Variants in PCDH19 observed in about 807,000 individuals in gnomAD.
PCDH19 encodes the protein protocadherin 19.
A neutral mutation model predicts 46.2 loss-of-function variants in PCDH19; 6 were observed. That is an observed-to-expected ratio of 0.13 (90% CI 0.07 to 0.26). The LOEUF is 0.26. PCDH19 is among the 10% of genes least tolerant of loss of function. PCDH19 has a pLI of 1.00. For missense variants in PCDH19, 740 were observed against 972.3 expected, an observed-to-expected ratio of 0.76 and a Z score of 3.18; for synonymous variants, 481 against 415.7, an observed-to-expected ratio of 1.16 and a Z score of -1.91.
At chrX:100,381,350 T>C (rs1039114139) in intron 3 of PCDH19, among the ~76,000 whole-genome samples, 2 of 112,271 alleles carry the variant, frequency 1.8e-5, no homozygotes, top group African/African-American at 6.5e-5. Flanking sequence ...AGTATATGTC[T>C]GTGATAATGA....
intron 5 of PCDH19, among the ~76,000 whole-genome samples, chrX:100,324,336 T>C (rs1925613175): frequency 8.9e-6 from 1 of 111,778 alleles, no homozygotes; most frequent in African/African-American, 3.3e-5. Context: ...GGCATTGCCA[T>C]TGAACAGTAT....
intron 5 of PCDH19, among the ~76,000 whole-genome samples, chrX:100,321,109 G>A (rs977897027): frequency 8.9e-6 from 1 of 111,884 alleles, no homozygotes; most frequent in African/African-American, 3.3e-5. Flanking sequence ...TGCAAATGCC[G>A]TTAATTTATT....
At chrX:100,374,185 T>A (rs1927306846) in intron 3 of PCDH19, among the ~76,000 whole-genome samples, 1 of 112,771 alleles carries the variant, frequency 8.9e-6, no homozygotes, top group South Asian at 3.6e-4. Context: ...ATTACCCTAA[T>A]TAACCCAATT....
At chrX:100,361,065 A>G (rs889679626) in intron 3 of PCDH19, among the ~76,000 whole-genome samples, 5 of 111,652 alleles carry the variant, frequency 4.5e-5, no homozygotes, top group African/African-American at 1.6e-4. Flanking sequence ...AGTGCTGGCA[A>G]CCATGCATAG....
chrX:100,364,406 G>A (rs1602609726), intron 3 of PCDH19, among the ~76,000 whole-genome samples: 1 of 111,195 alleles, frequency 9.0e-6, no homozygotes, highest in Non-Finnish European at 1.9e-5. Flanking sequence ...TTCAATCATA[G>A]TAGCCACATT....
At chrX:100,402,427 G>C in intron 3 of PCDH19, 97 bp downstream of exon 3, 1 of 744,108 alleles carries the variant, frequency 1.3e-6, no homozygotes, top group Admixed American at 2.5e-5. Context: ...CCCCACCCCT[G>C]CCAGGGGATG....
At chrX:100,333,789 ATT>A (rs370118055) in intron 5 of PCDH19, among the ~76,000 whole-genome samples, 22,132 of 81,869 alleles carry the variant, frequency 0.27, 2,749 homozygotes, top group Middle Eastern at 0.5. Context: ...TTTCCTCTTC[ATT>A]TTTTTTTTTT....
At chrX:100,376,255 GAAAAGAAAAGAA>G (rs369642228) in intron 3 of PCDH19, among the ~76,000 whole-genome samples, 28,401 of 91,408 alleles carry the variant, frequency 0.31, 3,755 homozygotes, top group African/African-American at 0.38. Context: ...AAAAAAAAAA[GAAAAGAAAAGAA>G]AAAAGAAAAG....
chrX:100,303,336 A>G (rs769709103), intron 5 of PCDH19, among the ~76,000 whole-genome samples: 1 of 110,908 alleles, frequency 9.0e-6, no homozygotes, highest in South Asian at 3.9e-4. Flanking sequence ...GAAGGAAGGA[A>G]GGAAGGAAAA....
intron 3 of PCDH19, among the ~76,000 whole-genome samples, chrX:100,365,839 T>C (rs1927055398): frequency 8.9e-6 from 1 of 112,132 alleles, no homozygotes; most frequent in Non-Finnish European, 1.9e-5. Flanking sequence ...AACTGAGCTC[T>C]TCTGACATTC....
rs777075043 is a variant in PCDH19, at chrX:100,407,814, C to A, written c.784G>T (p.Ala262Ser). 2 of 1,211,141 alleles carry A rather than the reference C, an allele frequency of 1.7e-6. No individual in the cohort carries two copies. Among genetic ancestry groups the A allele is most frequent in the African/African-American group, 3.5e-5 (2 of 57,496 alleles). Residue 262 changes from alanine to serine, a missense_variant, in exon 1 of 6, where the codon GCC becomes TCC. This residue lies in a region of PCDH19 where 186 missense variants were observed against 319.9 expected (regional missense o/e 0.58). Coordinates refer to ENST00000373034, the MANE Select transcript of PCDH19 (RefSeq NM_001184880.2). The part of the protein sequence containing the change: ...PPNTPVIRLN[A>S]SDPDEGTNGQ... ...TTGGTGCCCTCGTCTGGATCGCTGG[C>A]GTTGAGGCGGATGACGGGTGTGTTG... is the stretch of plus-strand genomic sequence containing the variant.
chrX:100,333,149 GGAAGGAAGGAAGGAAGGAAGGA>G (rs1569294531), intron 5 of PCDH19, among the ~76,000 whole-genome samples: 9 of 50,871 alleles, frequency 1.8e-4, no homozygotes, highest in Admixed American at 8.4e-4. Flanking sequence ...AAGGAAGGAA[GGAAGGAAGGAAGGAAGGAAGGA>G]AGGGAGAGAG....
intron 3 of PCDH19, among the ~76,000 whole-genome samples, chrX:100,391,373 G>A (rs185433306): frequency 2.7e-5 from 3 of 111,701 alleles, no homozygotes; most frequent in African/African-American, 6.5e-5. Context: ...CAGAACTCGC[G>A]TTGGACAGGA....
At position 100,293,774 on chromosome X, in the gene PCDH19, G is replaced by A. The variant is rs756205424; in HGVS notation, c.*2503C>T. ...AGTATTTGGATAGGGAAGAAGGATGGATCTATAGCTTGAAGATGAATTATG... is the reference window on the plus strand; with the variant it reads ...AGTATTTGGATAGGGAAGAAGGATGAATCTATAGCTTGAAGATGAATTATG... On this transcript the variant is annotated 3_prime_UTR_variant, in exon 6 of 6. Transcript: ENST00000373034. The A allele has an allele frequency of 1.8e-5, 2 of 111,372 alleles. No homozygotes were observed. The highest frequency in any genetic ancestry group is 4.0e-4 in the South Asian group (1 of 2,515). The allele number at this position is 111,372 out of a possible 1,213,427, so 9.2% of individuals were successfully genotyped here. A position where few individuals can be genotyped will look rare whatever the true frequency, so the allele number is the denominator to read the frequency against.
chrX:100,317,181 T>G (rs1925335499), intron 5 of PCDH19, among the ~76,000 whole-genome samples: 1 of 111,596 alleles, frequency 9.0e-6, no homozygotes, highest in South Asian at 3.8e-4. Flanking sequence ...GGTGGAAGAA[T>G]GTCTGGCTCC....
At chrX:100,299,303 G>A (rs1924706535) in intron 5 of PCDH19, among the ~76,000 whole-genome samples, 1 of 112,294 alleles carries the variant, frequency 8.9e-6, no homozygotes, top group Non-Finnish European at 1.9e-5. Context: ...GAGCAGAGCA[G>A]TAGTGAAGTA....
At chrX:100,382,036 G>C (rs1337627086) in intron 3 of PCDH19, among the ~76,000 whole-genome samples, 1 of 109,984 alleles carries the variant, frequency 9.1e-6, no homozygotes, top group Admixed American at 9.7e-5. Context: ...ACAGAAAATG[G>C]TTAGTACTCA....
chrX:100,405,144 G>A (rs1262165612), intron 1 of PCDH19, among the ~76,000 whole-genome samples: 4 of 112,189 alleles, frequency 3.6e-5, no homozygotes, highest in African/African-American at 1.3e-4. Flanking sequence ...TATTCAGGGG[G>A]CTCTGATTCA....
At chrX:100,305,677 A>G (rs991773357) in intron 5 of PCDH19, among the ~76,000 whole-genome samples, 6 of 111,878 alleles carry the variant, frequency 5.4e-5, no homozygotes, top group African/African-American at 1.6e-4. Context: ...CAGGAGACTC[A>G]ACTAACACAT....
Sources: allele counts gnomAD v4.1 joint callset (sites outside exome capture counted in the v4.1 genomes callset), GRCh38; gene constraint gnomAD v4.1.1; regional missense constraint gnomAD v4.1.1; transcripts MANE v1.5; gene names NCBI Gene and HGNC (gene_info 2026-07-23, HGNC 2026-07-21).